LARGE1: variants seen among roughly 807,000 people sequenced by gnomAD.
LARGE1 encodes the protein LARGE xylosyl- and glucuronyltransferase 1, also known as xylosyl- and glucuronyltransferase LARGE1.
In LARGE1, 43 loss-of-function variants were observed where a neutral mutation model predicts 87.6. That is an observed-to-expected ratio of 0.49 (90% CI 0.38 to 0.63). The LOEUF (loss-of-function observed/expected upper bound fraction) is 0.63. LARGE1 is among the 30% of genes least tolerant of loss of function. The pLI is 0.00. For missense variants in LARGE1, 802 were observed against 1,000.2 expected (o/e 0.80, Z 2.67); for synonymous variants, 434 against 394.6 (o/e 1.10, Z -1.18).
intron 1 of LARGE1, among the ~76,000 whole-genome samples, chr22:33,821,285 GA>G (rs945293175): frequency 2.0e-5 from 3 of 152,098 alleles, no homozygotes; most frequent in Admixed American, 6.5e-5. Flanking sequence ...TACGAAGTTA[GA>G]AAAAAATGGC....
intron 6 of LARGE1, among the ~76,000 whole-genome samples, chr22:33,511,535 CATG>C (rs1187561007): frequency 6.6e-6 from 1 of 152,160 alleles, no homozygotes; most frequent in African/African-American, 2.4e-5. Context: ...GGACTGATCT[CATG>C]ATCCAGTCTA....
chr22:33,336,254 G>A (rs1190732515), intron 10 of LARGE1, among the ~76,000 whole-genome samples: 1 of 152,200 alleles, frequency 6.6e-6, no homozygotes, highest in Non-Finnish European at 1.5e-5. Flanking sequence ...AGGCTTGAGT[G>A]TAGTGGCATG....
chr22:33,149,460 A>C, the LARGE1 span, among the ~76,000 whole-genome samples: 4 of 152,088 alleles, frequency 2.6e-5, no homozygotes, highest in African/African-American at 7.2e-5. Context: ...CTCTTGCCTA[A>C]ACCTAGGTCA....
At chr22:33,757,531 C>A (rs181491786) in intron 2 of LARGE1, among the ~76,000 whole-genome samples, 2 of 152,126 alleles carry the variant, frequency 1.3e-5, no homozygotes, top group African/African-American at 2.4e-5. Context: ...AGACAGCTGA[C>A]CCCCTCCAGG....
the LARGE1 span, among the ~76,000 whole-genome samples, chr22:33,130,890 G>A: frequency 6.8e-4 from 104 of 151,956 alleles, no homozygotes; most frequent in Non-Finnish European, 1.2e-3. Context: ...AAAATTAGCC[G>A]GGCGTGGTGG....
At chr22:33,236,286 A>T (rs1926249057) in intron 11 of LARGE1, among the ~76,000 whole-genome samples, 1 of 152,212 alleles carries the variant, frequency 6.6e-6, no homozygotes, top group African/African-American at 2.4e-5. Context: ...TGAGTGTGCT[A>T]AGGTTGCATT....
Position 33,419,016 on chromosome 22 carries a change from C to T in LARGE1, c.892+13145G>A, listed in dbSNP as rs117574693. Among the ~76,000 whole-genome samples, 1,110 of 152,134 alleles carry T rather than the reference C, an allele frequency of 7.3e-3. 8 individuals carry two copies. Among genetic ancestry groups the T allele is most frequent in the Non-Finnish European group, 0.012 (789 of 67,996 alleles). On this transcript the variant is annotated intron_variant, in intron 7 of 14. Coordinates refer to ENST00000397394, the MANE Select transcript of LARGE1 (RefSeq NM_133642.5). ...CCTCACCCTGCTATAAAGACATTCC[C>T]GAGACTGGGTAATTTATGAAGAAAA...
chr22:33,416,902 C>T (rs1463417549), intron 7 of LARGE1, among the ~76,000 whole-genome samples: 2 of 89,598 alleles, frequency 2.2e-5, no homozygotes, highest in South Asian at 3.1e-4. Flanking sequence ...GCACCACGCC[C>T]GGACTTTTTT....
intron 7 of LARGE1, among the ~76,000 whole-genome samples, chr22:33,396,685 T>A (rs1218857063): frequency 6.6e-6 from 1 of 151,816 alleles, no homozygotes; most frequent in African/African-American, 2.4e-5. Flanking sequence ...CCGAGAGAGC[T>A]TGGAGGTGTT....
At chr22:33,270,783 A>G (rs184380486), downstream of LARGE1, among the ~76,000 whole-genome samples, 20 of 152,320 alleles carry the variant, frequency 1.3e-4, no homozygotes, top group Admixed American at 1.2e-3. Context: ...CTTTGAAAGG[A>G]ACAGAATTAA....
chr22:33,357,456 G>A (rs1249358067), intron 9 of LARGE1, among the ~76,000 whole-genome samples: 1 of 152,164 alleles, frequency 6.6e-6, no homozygotes, highest in African/African-American at 2.4e-5. Context: ...TCATCACTAT[G>A]TAATATATCC....
intron 6 of LARGE1, among the ~76,000 whole-genome samples, chr22:33,493,515 T>C (rs570960976): frequency 9.9e-5 from 15 of 152,112 alleles, no homozygotes; most frequent in African/African-American, 1.2e-4. Context: ...GGTGATAAAA[T>C]GGTTCAACCT....
intron 1 of LARGE1, among the ~76,000 whole-genome samples, chr22:33,831,779 C>CACACAT (rs35065502): frequency 1.7e-3 from 249 of 143,830 alleles, no homozygotes; most frequent in Non-Finnish European, 3.2e-3. Flanking sequence ...CACACACACA[C>CACACAT]ACACATACAC....
chr22:33,079,294 C>T, the LARGE1 span, among the ~76,000 whole-genome samples: 1 of 131,452 alleles, frequency 7.6e-6, no homozygotes, highest in Non-Finnish European at 1.5e-5. Flanking sequence ...GTGGCGTGAT[C>T]TCGGCTCACT....
chr22:33,529,681 A>G lies in LARGE1; in HGVS notation c.787+35167T>C, dbSNP rs571614368. The stretch of plus-strand genomic sequence containing the variant: ...CTTTTTCTGAGGTTTGCTGGAACAG[A>G]TAGCATCTCTGGTTGATGAGAAGGC... On this transcript the variant is annotated intron_variant, in intron 6 of 14. Coordinates refer to ENST00000397394, the MANE Select transcript of LARGE1 (RefSeq NM_133642.5). 1.1e-4 allele frequency among the ~76,000 whole-genome samples: 16 copies of G among 152,334 alleles called. No homozygotes were observed. In the South Asian group the frequency reaches 2.7e-3, roughly 26 times the overall value.
intron 6 of LARGE1, among the ~76,000 whole-genome samples, chr22:33,512,600 C>T (rs1391927025): frequency 2.0e-5 from 3 of 152,078 alleles, no homozygotes; most frequent in East Asian, 1.9e-4. Flanking sequence ...GTCAGGAGTT[C>T]GAGACCAGCC....
At chr22:33,099,136 T>C in the LARGE1 span, among the ~76,000 whole-genome samples, 32 of 152,166 alleles carry the variant, frequency 2.1e-4, no homozygotes, top group African/African-American at 7.5e-4. Flanking sequence ...CCAGAGAGCC[T>C]AGGAGGGTAG....
intron 1 of LARGE1, among the ~76,000 whole-genome samples, chr22:33,856,222 A>T (rs1442578744): frequency 6.6e-6 from 1 of 152,164 alleles, no homozygotes; most frequent in African/African-American, 2.4e-5. Flanking sequence ...CCATACCCGG[A>T]CCAGTTCTCA....
intron 9 of LARGE1, among the ~76,000 whole-genome samples, chr22:33,361,543 C>T (rs2064385709): frequency 6.7e-6 from 1 of 149,530 alleles, no homozygotes; most frequent in South Asian, 2.2e-4. Flanking sequence ...GCAGTTTTCA[C>T]AGGACTGTGG....
Sources: gnomAD v4.1 joint callset for allele counts (sites outside exome capture counted in the v4.1 genomes callset) on GRCh38, gnomAD v4.1.1 for gene constraint, MANE v1.5 for transcripts, NCBI Gene and HGNC (gene_info 2026-07-23, HGNC 2026-07-21) for gene names.